FARSA: variants seen among roughly 807,000 people sequenced by gnomAD.
FARSA encodes phenylalanine--tRNA ligase alpha subunit.
In FARSA, 37 loss-of-function variants were observed where a neutral mutation model predicts 63.2. That is an observed-to-expected ratio of 0.59 (90% confidence interval 0.45 to 0.77). The LOEUF (loss-of-function observed/expected upper bound fraction) is 0.77. Among genes scored for constraint, FARSA ranks in the 30% least tolerant of loss-of-function variants. The pLI is 0.00. For missense variants in FARSA, 618 were observed against 696.6 expected (o/e 0.89, Z 1.27); for synonymous variants, 312 against 285.1 (o/e 1.09, Z -0.95).
chr19:12,928,242 T>C (rs1971349713), intron 7 of FARSA, 100 bp downstream of exon 7: 1 of 940,400 alleles, frequency 1.1e-6, no homozygotes, highest in Non-Finnish European at 1.6e-6. Flanking sequence ...CCATGCCCAG[T>C]TCTAGACCTA....
chr19:12,933,322 T>C, intron 1 of FARSA: 2 of 541,924 alleles, frequency 3.7e-6, no homozygotes, highest in Non-Finnish European at 6.4e-6. Context: ...TCCATCATCG[T>C]ACCCTCTACC....
intron 12 of FARSA, among the ~76,000 whole-genome samples, chr19:12,923,446 C>T (rs566407135): frequency 1.9e-4 from 29 of 152,228 alleles, no homozygotes; most frequent in African/African-American, 5.5e-4. Flanking sequence ...GGACTACAGA[C>T]GCACGCAACA....
rs117532528 is a variant in FARSA at position 12,927,250 on chromosome 19, A to C, written c.841+1092T>G. Among the ~76,000 whole-genome samples, 251 of 152,334 alleles carry C rather than the reference A, an allele frequency of 1.6e-3. 3 individuals carry two copies. Among genetic ancestry groups the C allele is most frequent in the Middle Eastern group, 0.014 (4 of 294 alleles). ...TCTGGGAGAAAACAGCTCTTGGCTAAAGACGGAACATAAGCAAAGGCCCTG... is the reference window on the plus strand; with the variant it reads ...TCTGGGAGAAAACAGCTCTTGGCTACAGACGGAACATAAGCAAAGGCCCTG... On this transcript the variant is annotated intron_variant, in intron 7 of 12. Coordinates refer to ENST00000314606, the MANE Select transcript of FARSA (RefSeq NM_004461.3).
intron 12 of FARSA, among the ~76,000 whole-genome samples, chr19:12,923,873 C>T (rs949458226): frequency 6.6e-6 from 1 of 152,172 alleles, no homozygotes. Context: ...TGGCCTCCCA[C>T]AGCACTGGGA....
chr19:12,930,126 C>T, intron 4 of FARSA, 97 bp downstream of exon 4: 1 of 965,866 alleles, frequency 1.0e-6, no homozygotes, highest in Non-Finnish European at 1.6e-6. Flanking sequence ...ACTGGCCACA[C>T]CTGTGCTTGG....
At position 12,930,752 on chromosome 19, in the gene FARSA, A is replaced by C; in HGVS notation, c.148-3T>G. 1 of 1,605,768 alleles carries C rather than the reference A, an allele frequency of 6.2e-7. No homozygotes were observed. Among genetic ancestry groups the C allele is most frequent in the Non-Finnish European group, 8.5e-7 (1 of 1,179,966 alleles). ...GACCGAAGTTCAGCCTCGATGACCT[A>C]GAGGGAAATGTGGGGAGGGTGTCCA... On this transcript the variant is annotated splice_region_variant and splice_polypyrimidine_tract_variant and intron_variant, in intron 1 of 12. Transcript: ENST00000314606.
intron 1 of FARSA, chr19:12,932,853 C>T (rs1209653110): frequency 6.6e-6 from 1 of 152,364 alleles, no homozygotes; most frequent in Non-Finnish European, 1.5e-5. Flanking sequence ...ACGCCTTCCC[C>T]ACCTCCCCCA....
At chr19:12,923,759 C>A (rs529268544) in intron 12 of FARSA, among the ~76,000 whole-genome samples, 1 of 152,350 alleles carries the variant, frequency 6.6e-6, no homozygotes, top group South Asian at 2.1e-4. Context: ...GGATTACAGG[C>A]ATGTGCCACC....
Position 12,922,559 on chromosome 19 carries a change from A to T in FARSA, c.*189T>A. ...CCCACCCTCACAGTAGACACACCAC[A>T]CAGGACAACAGAAGGAACCTGCTAC... On this transcript the variant is annotated 3_prime_UTR_variant, in exon 13 of 13. Coordinates refer to ENST00000314606, the MANE Select transcript of FARSA (RefSeq NM_004461.3). 1.5e-6 allele frequency: 1 copy of T among 680,230 alleles called. No individual in the cohort carries two copies. Among genetic ancestry groups the T allele is most frequent in the South Asian group, 1.9e-5 (1 of 52,424 alleles). 42.1% of individuals were successfully genotyped at this position (680,230 alleles called of 1,614,324 possible).
At chr19:12,932,277 C>T (rs1971406209) in intron 1 of FARSA, among the ~76,000 whole-genome samples, 2 of 152,038 alleles carry the variant, frequency 1.3e-5, no homozygotes, top group African/African-American at 2.4e-5. Flanking sequence ...GTGATCCACC[C>T]GCCTTGGTCT....
At position 12,924,124 on chromosome 19, in the gene FARSA, ACCCCGAGTTT is replaced by A; in HGVS notation, c.1388+17_1388+26del. ...GGAGAGTTATTTGAGGCAGCTGGACACCCCGAGTTTCCACTTGGGCACTTACCGCTCCAGG... is the reference window on the plus strand; with the variant it reads ...GGAGAGTTATTTGAGGCAGCTGGACACCACTTGGGCACTTACCGCTCCAGG... On this transcript the variant is annotated intron_variant, in intron 12 of 12. Coordinates refer to ENST00000314606, the MANE Select transcript of FARSA (RefSeq NM_004461.3). This position sits in a 1 kb window ranked among gnomAD's most constrained non-coding sequence, Gnocchi z 6.4. 1 of 1,570,128 alleles carries A rather than the reference ACCCCGAGTTT, an allele frequency of 6.4e-7. No homozygotes were observed. Among genetic ancestry groups the A allele is most frequent in the Non-Finnish European group, 8.8e-7 (1 of 1,139,952 alleles).
intron 4 of FARSA, among the ~76,000 whole-genome samples, chr19:12,929,722 A>T (rs1971368559): frequency 6.6e-6 from 1 of 152,178 alleles, no homozygotes; most frequent in Admixed American, 6.5e-5. Context: ...ACAGAGCCCG[A>T]ACTTCAGTTA....
chr19:12,924,410 A>AGACCTCCCTCCCACCCAAGTGGGAG lies in FARSA; in HGVS notation c.1273+38_1273+39insCTCCCACTTGGGTGGGAGGGAGGTC, dbSNP rs764191544. On this transcript the variant is annotated intron_variant, in intron 11 of 12. Transcript: ENST00000314606. The surrounding 1 kb of genome is among the most constrained non-coding windows in gnomAD (Gnocchi z 6.4). ...ACCCAGGCCAAACCATAGTAGCCTG[A>AGACCTCCCTCCCACCCAAGTGGGAG]GACCTCCCTCCCACCCCAGTACCAG... 16 of 1,601,474 alleles carry AGACCTCCCTCCCACCCAAGTGGGAG rather than the reference A, an allele frequency of 1.0e-5. No individual in the cohort carries two copies. Among genetic ancestry groups the AGACCTCCCTCCCACCCAAGTGGGAG allele is most frequent in the Non-Finnish European group, 1.2e-5 (14 of 1,171,270 alleles).
At position 12,928,464 on chromosome 19, in the gene FARSA, G is replaced by A; in HGVS notation, c.726-7C>T. 1 of 1,613,956 alleles carries A rather than the reference G, an allele frequency of 6.2e-7. No homozygotes were observed. The highest frequency in any genetic ancestry group is 2.2e-5 in the East Asian group (1 of 44,876). On this transcript the variant is annotated splice_polypyrimidine_tract_variant and splice_region_variant and intron_variant, in intron 6 of 12. Coordinates refer to ENST00000314606, the MANE Select transcript of FARSA (RefSeq NM_004461.3). The stretch of plus-strand genomic sequence containing the variant: ...AGTCGGCATCTCGGTGAACCTGGTG[G>A]GAGACACAGCCTGACTGCCCTGCCT...
chr19:12,930,943 A>G, intron 1 of FARSA, among the ~76,000 whole-genome samples, 194 bp from the exon 2 acceptor site: 1 of 152,180 alleles, frequency 6.6e-6, no homozygotes, highest in African/African-American at 2.4e-5. Flanking sequence ...CCCTTATGTA[A>G]CACAGGGGTA....
rs762506706 is a variant in FARSA, at chr19:12,930,538, G to A, written c.286-11C>T. On this transcript the variant is annotated splice_polypyrimidine_tract_variant and intron_variant, in intron 2 of 12. Transcript: ENST00000314606. ...GCCACTGGGCAGTCGCTGGAAAAGAGAGGCTGCAGTGAGTGGGGCACGAGG... is the reference window on the plus strand; with the variant it reads ...GCCACTGGGCAGTCGCTGGAAAAGAAAGGCTGCAGTGAGTGGGGCACGAGG... 2.0e-5 allele frequency: 32 copies of A among 1,612,560 alleles called. No homozygotes were observed. Among genetic ancestry groups the A allele is most frequent in the East Asian group, 2.2e-5 (1 of 44,900 alleles).
At chr19:12,933,337 C>A (rs1176165637) in intron 1 of FARSA, 4 of 576,910 alleles carry the variant, frequency 6.9e-6, no homozygotes, top group Non-Finnish European at 1.2e-5. Flanking sequence ...TCTACCCACG[C>A]TGACCGTGCC....
chr19:12,932,519 G>A (rs1568446152), intron 1 of FARSA, among the ~76,000 whole-genome samples: 1 of 152,118 alleles, frequency 6.6e-6, no homozygotes, highest in Non-Finnish European at 1.5e-5. Flanking sequence ...CAGCCTGAGT[G>A]CCTAATTTCA....
rs1027526734 is a variant in FARSA, at chr19:12,927,327, TGG to T, written c.841+1013_841+1014del. ...AGAAGACATGGGGGCAGGCAGGGTG[TGG>T]GGGCTCATGCCTGTAATCCCAGCAC... is the stretch of plus-strand genomic sequence containing the variant. On this transcript the variant is annotated intron_variant, in intron 7 of 12. Coordinates refer to ENST00000314606, the MANE Select transcript of FARSA (RefSeq NM_004461.3). 4.6e-5 allele frequency among the ~76,000 whole-genome samples: 7 copies of T among 152,094 alleles called. No homozygotes were observed. The South Asian group carries it at 1.0e-3, about 23-fold the overall frequency.
Sources: gnomAD v4.1 joint callset for allele counts (sites outside exome capture counted in the v4.1 genomes callset) on GRCh38, gnomAD v4.1.1 for gene constraint, Gnocchi (gnomAD v3.1) non-coding constraint, MANE v1.5 for transcripts, NCBI Gene and HGNC (gene_info 2026-07-23, HGNC 2026-07-21) for gene names.